The following HELZ2 variants were observed in gnomAD, a reference collection of about 807,000 sequenced individuals.
HELZ2 encodes 3'-5' exoribonuclease HELZ2.
In HELZ2, 143 loss-of-function variants were observed where a neutral mutation model predicts 208.8. The ratio of observed to expected loss-of-function variants is 0.68; its 90% CI spans 0.60 to 0.79. HELZ2 has a LOEUF of 0.79. Ranked by LOEUF, HELZ2 falls within the 30% of genes least tolerant of loss-of-function variation. The pLI, the probability that HELZ2 is intolerant of heterozygous loss-of-function variation, is 0.00. For missense variants in HELZ2, 3,690 were observed against 3,794.5 expected, an observed-to-expected ratio of 0.97 and a Z score of 0.72; for synonymous variants, 1,705 against 1,693.7, an observed-to-expected ratio of 1.01 and a Z score of -0.16.
At chr20:63,572,496 T>C, upstream of HELZ2, 1 of 1,186,256 alleles carries the variant, frequency 8.4e-7, no homozygotes, top group South Asian at 1.6e-5. Context: ...GGCCGCGGCC[T>C]CACCACCACA....
chr20:63,561,557 A>T (rs1024232411), intron 12 of HELZ2, 44 bp downstream of exon 13: 13 of 1,579,656 alleles, frequency 8.2e-6, no homozygotes, highest in Admixed American at 3.5e-5. Context: ...CTGTCTGGAC[A>T]GCTCGGCCCC....
upstream of HELZ2, among the ~76,000 whole-genome samples, chr20:63,574,016 G>A (rs947975459): frequency 6.6e-6 from 1 of 152,018 alleles, no homozygotes; most frequent in Admixed American, 6.5e-5. Flanking sequence ...CACTGCCCCG[G>A]GCTGGGTCTG....
At chr20:63,571,904 C>T (rs2083018834) in intron 1 of HELZ2, 2 of 404,538 alleles carry the variant, frequency 4.9e-6, no homozygotes, top group Non-Finnish European at 8.2e-6. Flanking sequence ...TCTGGCTCTG[C>T]CTGTGGTGGG....
At chr20:63,569,983 C>G (rs1421196086) in intron 3 of HELZ2, 1 of 493,226 alleles carries the variant, frequency 2.0e-6, no homozygotes, top group Non-Finnish European at 3.7e-6. Flanking sequence ...GAGTTTCACT[C>G]TTGTCGCCAG....
exon 8 of HELZ2, chr20:63,564,058 C>T (rs769082781): frequency 5.6e-6 from 9 of 1,605,134 alleles, no homozygotes; most frequent in South Asian, 2.2e-5. Flanking sequence ...GGGGACTGCC[C>T]CCGCCGCCGT....
In HELZ2 at chr20:63,562,847, G is replaced by C. The variant is rs115004564; in HGVS notation, c.5975C>G (p.Ala1992Gly). 3.5e-4 allele frequency: 561 copies of C among 1,609,362 alleles called. 4 individuals are homozygous for C. In the African/African-American group the frequency reaches 6.4e-3, roughly 18 times the overall value. Residue 1992 changes from alanine (A) to glycine (G), a missense_variant, in exon 8 of 19, where the codon GCC (alanine) becomes GGC (glycine). Transcript: ENST00000467148. Reference sequence around the variant, plus strand: ...GTCGGCACAGTTCTCCTCGAGGAAGGCGGCCTCCAGGCGGAAGGCGCCCTG... The same window carrying C: ...GTCGGCACAGTTCTCCTCGAGGAAGCCGGCCTCCAGGCGGAAGGCGCCCTG...
chr20:63,567,748 G>T, intron 5 of HELZ2, 121 bp from the exon 7 acceptor site: 1 of 1,466,824 alleles, frequency 6.8e-7, no homozygotes, highest in Non-Finnish European at 9.0e-7. Flanking sequence ...GCTGTCAGAG[G>T]TGAGCAGCAA....
At chr20:63,570,357 G>A (rs2083004799) in intron 3 of HELZ2, 147 bp downstream of exon 4, 2 of 734,488 alleles carry the variant, frequency 2.7e-6, no homozygotes, top group Middle Eastern at 4.5e-4. Flanking sequence ...AGGCAGAGAG[G>A]CTAAGGGACC....
chr20:63,561,910 C>T (rs1357364577), exon 11 of HELZ2: 13 of 1,587,222 alleles, frequency 8.2e-6, no homozygotes, highest in East Asian at 2.3e-5. Context: ...GGGGGGCCTC[C>T]GGGCTGCACC....
rs895991823 is a variant in HELZ2, at chr20:63,560,410, C to T, written c.7500+69G>A. ...GGAAGCCCTCCCTGACTCACAAGCA[C>T]CAGACACTCACCACCTCAGCCACCT... On this transcript the variant is annotated intron_variant, in intron 16 of 18. Transcript: ENST00000467148. The T allele has an allele frequency of 3.1e-6, 5 of 1,592,558 alleles. No homozygotes were observed. The African/African-American group carries it at 6.7e-5, about 21-fold the overall frequency.
chr20:63,567,714 G>A, intron 5 of HELZ2, 87 bp from the exon 7 acceptor site: 1 of 1,496,550 alleles, frequency 6.7e-7, no homozygotes, highest in Non-Finnish European at 8.9e-7. Context: ...CAGCCGAGCT[G>A]CCCCTGAGCA....
At chr20:63,567,517 T>C (rs773487970) in exon 6 of HELZ2, 3 of 1,561,482 alleles carry the variant, frequency 1.9e-6, no homozygotes, top group South Asian at 1.2e-5. Flanking sequence ...CGTGACTGGG[T>C]CCGTCTGGCT....
exon 13 of HELZ2, chr20:63,561,376 C>G (rs2082884945): frequency 5.0e-6 from 8 of 1,613,066 alleles, no homozygotes; most frequent in Non-Finnish European, 6.8e-6. Flanking sequence ...TGGAGAAGAG[C>G]TCCCCTCTCT....
chr20:63,562,404 G>T, intron 8 of HELZ2, 22 bp from the exon 10 acceptor site: 1 of 1,564,740 alleles, frequency 6.4e-7, no homozygotes. Context: ...GGCAGACACT[G>T]GAAAACCAAC....
At chr20:63,570,479 C>T (rs757165385) in intron 3 of HELZ2, 25 bp downstream of exon 4, 30 of 1,597,188 alleles carry the variant, frequency 1.9e-5, no homozygotes, top group Non-Finnish European at 2.6e-5. Context: ...CTCCCTCCGC[C>T]CAGTCGGAGC....
exon 19 of HELZ2, chr20:63,559,244 C>CTTCAGGAAGG (rs2082849577): frequency 6.4e-7 from 1 of 1,551,682 alleles, no homozygotes; most frequent in Admixed American, 1.9e-5. Context: ...GGAGAGGGCT[C>CTTCAGGAAGG]TTCAGGAAGG....
chr20:63,572,010 T>C (rs1486767485), intron 1 of HELZ2, 98 bp downstream of exon 2: 30 of 1,347,596 alleles, frequency 2.2e-5, no homozygotes, highest in East Asian at 4.9e-5. Context: ...GCTCTGCCTG[T>C]GGTGGGCTCC....
chr20:63,566,791 C>G, intron 6 of HELZ2, 53 bp downstream of exon 7: 2 of 1,506,926 alleles, frequency 1.3e-6, no homozygotes, highest in Admixed American at 1.9e-5. Flanking sequence ...GGAGAGCTCC[C>G]CCTCCCCCAG....
chr20:63,562,633 G>C, exon 8 of HELZ2: 1 of 1,593,222 alleles, frequency 6.3e-7, no homozygotes, highest in Non-Finnish European at 8.5e-7. Flanking sequence ...GCACCCGTCT[G>C]GGAGCCTCCT....
Sources: gnomAD v4.1 joint callset for allele counts (sites outside exome capture counted in the v4.1 genomes callset) on GRCh38, gnomAD v4.1.1 for gene constraint, MANE v1.5 for transcripts, NCBI Gene and HGNC (gene_info 2026-07-23, HGNC 2026-07-21) for gene names.